The following TMEM144 variants were observed in gnomAD, a reference collection of about 807,000 sequenced individuals.
The protein encoded by TMEM144 is transmembrane protein 144.
In TMEM144, 39 loss-of-function variants were observed where a neutral mutation model predicts 43.6. The observed-to-expected ratio is 0.90, with a 90% CI of 0.69 to 1.17. TMEM144 has a LOEUF of 1.17. Ranked by LOEUF, TMEM144 falls within the 50% of genes most tolerant of loss-of-function variation. TMEM144 has a pLI of 0.00. For missense variants in TMEM144, 417 were observed against 411.9 expected, an observed-to-expected ratio of 1.01 and a Z score of -0.11; for synonymous variants, 154 against 133.6, an observed-to-expected ratio of 1.15 and a Z score of -1.06.
At chr4:158,216,347 T>C (rs929597625) in intron 4 of TMEM144, among the ~76,000 whole-genome samples, 1 of 152,148 alleles carries the variant, frequency 6.6e-6, no homozygotes, top group Non-Finnish European at 1.5e-5. Context: ...GAGGAGCCAA[T>C]GATAATGTAG....
chr4:158,216,779 A>G (rs977966586), intron 4 of TMEM144, among the ~76,000 whole-genome samples: 2 of 152,148 alleles, frequency 1.3e-5, no homozygotes, highest in African/African-American at 4.8e-5. Flanking sequence ...TGAAGACATC[A>G]TGGAATCCTA....
chr4:158,211,096 C>G (rs115064850), intron 1 of TMEM144: 22 of 152,084 alleles, frequency 1.4e-4, no homozygotes, highest in African/African-American at 5.1e-4. Context: ...AGCGGTAGAG[C>G]CTTTTTAAAG....
chr4:158,242,874 C>G (rs2111145265), intron 11 of TMEM144, among the ~76,000 whole-genome samples: 1 of 152,262 alleles, frequency 6.6e-6, no homozygotes. Flanking sequence ...TGTTGTATCT[C>G]CTATGAAGAT....
chr4:158,232,255 A>C (rs1399231531), intron 6 of TMEM144, among the ~76,000 whole-genome samples: 1 of 152,224 alleles, frequency 6.6e-6, no homozygotes, highest in African/African-American at 2.4e-5. Context: ...ATTTAAATGT[A>C]TGTTTTTATC....
intron 5 of TMEM144, among the ~76,000 whole-genome samples, chr4:158,218,829 C>T (rs1253387222): frequency 2.0e-5 from 3 of 152,096 alleles, no homozygotes; most frequent in Admixed American, 1.3e-4. Context: ...ATTATTATCC[C>T]ATTTTAAACA....
At chr4:158,235,196 A>G (rs1057120506) in intron 7 of TMEM144, 3 of 444,046 alleles carry the variant, frequency 6.8e-6, no homozygotes, top group Non-Finnish European at 1.2e-5. Flanking sequence ...GTGTATCACA[A>G]TAGCCACATA....
chr4:158,229,080 T>G lies in TMEM144; in HGVS notation c.414-3821T>G, dbSNP rs193009039. ...AACCGGTTAGGCCATTGGTCGATCT[T>G]TAACTACCAGGCTTAGGTCAGGCAA... On this transcript the variant is annotated intron_variant, in intron 6 of 12. Coordinates refer to ENST00000296529, the MANE Select transcript of TMEM144 (RefSeq NM_018342.5). Among the ~76,000 whole-genome samples the G allele has an allele frequency of 7.9e-5, 12 of 152,266 alleles. No individual in the cohort carries two copies. In the East Asian group the frequency reaches 2.1e-3, roughly 27 times the overall value.
At chr4:158,230,680 A>G (rs1735034656) in intron 6 of TMEM144, among the ~76,000 whole-genome samples, 1 of 151,720 alleles carries the variant, frequency 6.6e-6, no homozygotes, top group African/African-American at 2.4e-5. Flanking sequence ...CATATATGTA[A>G]CTCATATATA....
At chr4:158,249,459 G>A (rs1736069727) in intron 12 of TMEM144, among the ~76,000 whole-genome samples, 1 of 152,122 alleles carries the variant, frequency 6.6e-6, no homozygotes, top group Non-Finnish European at 1.5e-5. Flanking sequence ...GAATGTTAGT[G>A]TGCTCTTTCC....
chr4:158,251,197 T>G (rs763297384), intron 12 of TMEM144, among the ~76,000 whole-genome samples: 8 of 152,220 alleles, frequency 5.3e-5, no homozygotes, highest in Non-Finnish European at 8.8e-5. Context: ...GAGGTGCTAG[T>G]CTTGTTTTAC....
intron 12 of TMEM144, among the ~76,000 whole-genome samples, chr4:158,249,033 A>G (rs1172331128): frequency 6.6e-6 from 1 of 151,936 alleles, no homozygotes; most frequent in East Asian, 1.9e-4. Context: ...CAGCCTCCCG[A>G]GTAGCTGGGA....
intron 6 of TMEM144, among the ~76,000 whole-genome samples, chr4:158,227,579 T>A (rs1027440805): frequency 6.6e-6 from 1 of 152,194 alleles, no homozygotes; most frequent in South Asian, 2.1e-4. Flanking sequence ...ACTTTGTCTC[T>A]CTCTGACTTT....
rs756374046 is a variant in TMEM144, at chr4:158,240,434, A to G, written c.802+16A>G. 2 of 1,585,070 alleles carry G rather than the reference A, an allele frequency of 1.3e-6. No homozygotes were observed. Among genetic ancestry groups the G allele is most frequent in the South Asian group, 1.2e-5 (1 of 85,438 alleles). Reference sequence around the variant, plus strand: ...GTCCTACCAGGTAAGAATATGTACTACAGATCTTCTTACTATATGAAAGTG... The same window carrying G: ...GTCCTACCAGGTAAGAATATGTACTGCAGATCTTCTTACTATATGAAAGTG... On this transcript the variant is annotated intron_variant, in intron 10 of 12. Transcript: ENST00000296529.
chr4:158,238,004 G>T (rs992344962), intron 9 of TMEM144, among the ~76,000 whole-genome samples: 1 of 152,120 alleles, frequency 6.6e-6, no homozygotes, highest in Non-Finnish European at 1.5e-5. Flanking sequence ...TTTAAAATGA[G>T]GTAAAGGTTA....
intron 6 of TMEM144, among the ~76,000 whole-genome samples, chr4:158,228,452 G>C (rs1184222278): frequency 6.6e-6 from 1 of 152,044 alleles, no homozygotes; most frequent in Non-Finnish European, 1.5e-5. Flanking sequence ...CACTCAAATG[G>C]ATGGAGTAGG....
intron 6 of TMEM144, among the ~76,000 whole-genome samples, chr4:158,226,531 CT>C (rs112184492): frequency 3.3e-5 from 5 of 152,078 alleles, no homozygotes; most frequent in African/African-American, 1.2e-4. Flanking sequence ...TATTTTTAAC[CT>C]TTTAATGTAG....
intron 6 of TMEM144, among the ~76,000 whole-genome samples, chr4:158,222,099 A>G (rs1303872134): frequency 6.9e-6 from 1 of 144,076 alleles, no homozygotes. Flanking sequence ...TGAATGTTTC[A>G]CAAGTTCTTC....
chr4:158,243,655 T>C (rs565086332), intron 11 of TMEM144, among the ~76,000 whole-genome samples: 94 of 152,316 alleles, frequency 6.2e-4, no homozygotes, highest in Middle Eastern at 6.8e-3. Flanking sequence ...TTCTTCTCAT[T>C]TCCTCTGTCC....
chr4:158,237,881 CA>C (rs1735437003), intron 9 of TMEM144, among the ~76,000 whole-genome samples: 2 of 152,156 alleles, frequency 1.3e-5, no homozygotes, highest in Admixed American at 6.5e-5. Context: ...GATCTCAACA[CA>C]TGGTTTCTGA....
Sources: gnomAD v4.1 joint callset for allele counts (sites outside exome capture counted in the v4.1 genomes callset) on GRCh38, gnomAD v4.1.1 for gene constraint, MANE v1.5 for transcripts, NCBI Gene and HGNC (gene_info 2026-07-23, HGNC 2026-07-21) for gene names.